Variants in MTA3 observed in about 807,000 individuals in gnomAD.
The protein encoded by MTA3 is metastasis associated 1 family member 3.
Under a neutral mutation model 83.5 loss-of-function variants are expected in MTA3, and 34 were observed. The ratio of observed to expected loss-of-function variants is 0.41; its 90% CI spans 0.31 to 0.54. The LOEUF is 0.54. Among genes scored for constraint, MTA3 ranks in the 20% least tolerant of loss-of-function variants. The pLI is 0.33. For missense variants in MTA3, 761 were observed against 726.4 expected (o/e 1.05, Z -0.55); for synonymous variants, 303 against 252.7 (o/e 1.20, Z -1.89).
chr2:42,667,582 G>GTGTGTGTGTT (rs1553379100), intron 8 of MTA3, among the ~76,000 whole-genome samples: 217 of 128,998 alleles, frequency 1.7e-3, no homozygotes, highest in Admixed American at 2.8e-3. Context: ...GTGTGTGTGT[G>GTGTGTGTGTT]TGTGTGTGTG....
At chr2:42,691,807 T>C (rs1246771447) in intron 9 of MTA3, among the ~76,000 whole-genome samples, 1 of 152,232 alleles carries the variant, frequency 6.6e-6, no homozygotes, top group Non-Finnish European at 1.5e-5. Flanking sequence ...TGGGTAAAGG[T>C]CTTTTCCTTC....
At chr2:42,712,177 G>C (rs1041823671) in intron 14 of MTA3, among the ~76,000 whole-genome samples, 3 of 152,010 alleles carry the variant, frequency 2.0e-5, no homozygotes, top group African/African-American at 7.3e-5. Context: ...AAACAAAAAA[G>C]GTCTTTGCAG....
chr2:42,710,399 A>T (rs1399036552), intron 14 of MTA3, among the ~76,000 whole-genome samples: 7 of 151,942 alleles, frequency 4.6e-5, no homozygotes, highest in African/African-American at 1.5e-4. Flanking sequence ...AAATATACAA[A>T]AATTAGCCAG....
At chr2:42,634,025 A>C (rs571145945) in intron 4 of MTA3, among the ~76,000 whole-genome samples, 1 of 152,300 alleles carries the variant, frequency 6.6e-6, no homozygotes, top group African/African-American at 2.4e-5. Context: ...TATCCCAGGG[A>C]CCTTTGACAA....
chr2:42,518,280 C>T (rs1040085141), intron 2 of MTA3, among the ~76,000 whole-genome samples: 1 of 152,132 alleles, frequency 6.6e-6, no homozygotes, highest in East Asian at 1.9e-4. Flanking sequence ...ACTAGGGCTC[C>T]TTGGAAAAAT....
intron 2 of MTA3, among the ~76,000 whole-genome samples, chr2:42,554,585 G>C (rs1677288527): frequency 6.6e-6 from 1 of 152,154 alleles, no homozygotes; most frequent in Non-Finnish European, 1.5e-5. Context: ...TGAGATGCAA[G>C]TGAGGGACCC....
At chr2:42,702,499 G>A in intron 11 of MTA3, 1 of 152,238 alleles carries the variant, frequency 6.6e-6, no homozygotes, top group East Asian at 1.9e-4. Flanking sequence ...GGAAGACCTT[G>A]AGTCAACTCT....
intron 8 of MTA3, among the ~76,000 whole-genome samples, chr2:42,680,911 G>T (rs1403523714): frequency 1.6e-5 from 1 of 61,908 alleles, no homozygotes; most frequent in Middle Eastern, 0.014. Context: ...ATGCCACCAT[G>T]CCTGTTTTTT....
chr2:42,596,206 C>G (rs998789798), intron 3 of MTA3, among the ~76,000 whole-genome samples: 1 of 152,148 alleles, frequency 6.6e-6, no homozygotes, highest in Non-Finnish European at 1.5e-5. Context: ...GTTTCTTAGT[C>G]TATGAAGTGT....
intron 5 of MTA3, 59 bp downstream of exon 5, chr2:42,640,295 T>A: frequency 8.5e-7 from 1 of 1,180,774 alleles, no homozygotes. Context: ...TGAAGCTCTT[T>A]CCTTGGAATT....
intron 2 of MTA3, among the ~76,000 whole-genome samples, chr2:42,571,899 A>T (rs1268016652): frequency 6.6e-6 from 1 of 151,444 alleles, no homozygotes; most frequent in East Asian, 1.9e-4. Flanking sequence ...GTGAGCCAAG[A>T]TCACGCCATT....
chr2:42,681,812 G>A (rs1391252971), intron 8 of MTA3, among the ~76,000 whole-genome samples: 1 of 151,508 alleles, frequency 6.6e-6, no homozygotes, highest in Non-Finnish European at 1.5e-5. Flanking sequence ...TGTGTGGCCT[G>A]GCTAGACTTT....
intron 2 of MTA3, among the ~76,000 whole-genome samples, chr2:42,504,174 T>A (rs138956048): frequency 6.6e-6 from 1 of 151,896 alleles, no homozygotes; most frequent in African/African-American, 2.4e-5. Context: ...AGGTGATCCA[T>A]CCGCCTTGGC....
At chr2:42,528,385 A>G (rs937204677) in intron 2 of MTA3, among the ~76,000 whole-genome samples, 20 of 151,644 alleles carry the variant, frequency 1.3e-4, no homozygotes, top group African/African-American at 3.6e-4. Context: ...ACACCCGGCT[A>G]ATTTTTGTAT....
At chr2:42,680,594 G>A (rs112722226) in intron 8 of MTA3, among the ~76,000 whole-genome samples, 2 of 152,190 alleles carry the variant, frequency 1.3e-5, no homozygotes, top group African/African-American at 4.8e-5. Flanking sequence ...GCACCCATGT[G>A]CTAATCCGCG....
chr2:42,594,695 T>C (rs1349236067), intron 3 of MTA3, among the ~76,000 whole-genome samples: 24 of 93,194 alleles, frequency 2.6e-4, no homozygotes, highest in Non-Finnish European at 4.4e-4. Flanking sequence ...TATATACATA[T>C]ATAAATATAC....
At chr2:42,732,641 C>G (rs1213921005) in intron 16 of MTA3, among the ~76,000 whole-genome samples, 2 of 152,206 alleles carry the variant, frequency 1.3e-5, no homozygotes, top group South Asian at 4.1e-4. Context: ...ATTAATTTCT[C>G]CCCAGAAAAT....
At chr2:42,656,050 TGTACATCTAC>T (rs1689145442) in intron 6 of MTA3, 140 bp from the exon 7 acceptor site, 3 of 567,620 alleles carry the variant, frequency 5.3e-6, no homozygotes, top group Non-Finnish European at 9.4e-6. Context: ...AACGAGGTGT[TGTACATCTAC>T]GTCTGAAAGA....
At chr2:42,548,998 A>T in intron 2 of MTA3, among the ~76,000 whole-genome samples, 1 of 133,014 alleles carries the variant, frequency 7.5e-6, no homozygotes, top group South Asian at 2.3e-4. Context: ...AACATGGAGA[A>T]ACCCCATTTC....
Sources: allele counts gnomAD v4.1 joint callset (sites outside exome capture counted in the v4.1 genomes callset), GRCh38; gene constraint gnomAD v4.1.1; transcripts MANE v1.5; gene names NCBI Gene and HGNC (gene_info 2026-07-23, HGNC 2026-07-21).